The following MYBPC1 variants were observed in gnomAD, a reference collection of about 807,000 sequenced individuals.
MYBPC1 encodes myosin-binding protein C, slow-type.
Under a neutral mutation model 147.1 loss-of-function variants are expected in MYBPC1, and 52 were observed. That is an observed-to-expected ratio of 0.35 (90% confidence interval 0.28 to 0.45). The LOEUF (loss-of-function observed/expected upper bound fraction) is 0.45. Among genes scored for constraint, MYBPC1 ranks in the 20% least tolerant of loss-of-function variants. The pLI, the probability that MYBPC1 is intolerant of heterozygous loss-of-function variation, is 1.00. For missense variants in MYBPC1, 1,228 were observed against 1,440.3 expected (o/e 0.85, Z 2.39); for synonymous variants, 477 against 475.9 (o/e 1.00, Z -0.03).
chr12:101,618,255 C>G (rs978293076), intron 3 of MYBPC1, among the ~76,000 whole-genome samples: 1 of 152,152 alleles, frequency 6.6e-6, no homozygotes, highest in African/African-American at 2.4e-5. Flanking sequence ...CTTCAGCTAA[C>G]TTGAACTTAT....
At chr12:101,595,927 A>G (rs892085729) in intron 1 of MYBPC1, among the ~76,000 whole-genome samples, 3 of 152,138 alleles carry the variant, frequency 2.0e-5, no homozygotes, top group Non-Finnish European at 2.9e-5. Context: ...AATAATAAGC[A>G]CAAATTAATA....
Position 101,627,757 on chromosome 12 carries a change from C to A in MYBPC1, c.143-12C>A, listed in dbSNP as rs750205433. On this transcript the variant is annotated splice_polypyrimidine_tract_variant and intron_variant, in intron 4 of 31. Coordinates refer to ENST00000361466, the MANE Select transcript of MYBPC1 (RefSeq NM_002465.4). ...ACCCCTCTGCATCACCCAAATCACA[C>A]TTTCCTTTCAGGTTTGGGTAGTCGG... The A allele has an allele frequency of 6.2e-7, 1 of 1,613,708 alleles. No homozygotes were observed. Among genetic ancestry groups the A allele is most frequent in the Non-Finnish European group, 8.5e-7 (1 of 1,179,732 alleles).
chr12:101,648,854 A>G (rs761912062), intron 14 of MYBPC1, among the ~76,000 whole-genome samples: 45 of 152,346 alleles, frequency 3.0e-4, no homozygotes, highest in Non-Finnish European at 5.7e-4. Context: ...GTTGAAAGGT[A>G]CAGTAAATTA....
chr12:101,629,997 A>G (rs777678218), intron 6 of MYBPC1, among the ~76,000 whole-genome samples: 2 of 152,172 alleles, frequency 1.3e-5, no homozygotes, highest in African/African-American at 4.8e-5. Flanking sequence ...TTTCTAAAAC[A>G]TTTTCATCAC....
At chr12:101,663,664 G>A (rs1481905368) in intron 22 of MYBPC1, 104 bp downstream of exon 22, 17 of 1,323,836 alleles carry the variant, frequency 1.3e-5, no homozygotes, top group Admixed American at 5.9e-5. Flanking sequence ...ACCTTCCTAC[G>A]AAAATAAGAT....
At chr12:101,680,850 T>C (rs745664783) in intron 29 of MYBPC1, among the ~76,000 whole-genome samples, 5 of 152,234 alleles carry the variant, frequency 3.3e-5, no homozygotes, top group Non-Finnish European at 7.3e-5. Context: ...TGAAAGGGGC[T>C]ATCACTTTGG....
At chr12:101,653,794 A>G (rs1215739100) in intron 18 of MYBPC1, among the ~76,000 whole-genome samples, 4 of 152,230 alleles carry the variant, frequency 2.6e-5, no homozygotes, top group African/African-American at 9.7e-5. Flanking sequence ...GCTGGGGCAA[A>G]GTGAATGATT....
rs183293914 is a variant in MYBPC1 at position 101,635,422 on chromosome 12, A to G, written c.608+817A>G. Among the ~76,000 whole-genome samples the G allele has an allele frequency of 1.2e-3, 178 of 152,312 alleles. 1 individual carries two copies. Among genetic ancestry groups the G allele is most frequent in the Non-Finnish European group, 2.3e-3 (155 of 68,012 alleles). ...TATAAAACAATAATTTAGCCTGTTA[A>G]TGAGGCATATTTTCCTCTGATATTA... On this transcript the variant is annotated intron_variant, in intron 9 of 31. Coordinates refer to ENST00000361466, the MANE Select transcript of MYBPC1 (RefSeq NM_002465.4).
Position 101,684,387 on chromosome 12 carries a change from G to A in MYBPC1, c.3498G>A (p.Leu1166=). The A allele has an allele frequency of 6.3e-7, 1 of 1,587,036 alleles. No homozygotes were observed. The highest frequency in any genetic ancestry group is 8.6e-7 in the Non-Finnish European group (1 of 1,163,914). ...CCTCTTTCTCTTTTCCTTAGTCATT[G>A]CACAATAAGGATTTTTGAATGTATA... ...PVFLEGQQQS[L]HNKDF Residue 1166 remains leucine (L), a synonymous_variant, in exon 31 of 32, where the codon TTG becomes TTA. Transcript: ENST00000361466.
At chr12:101,649,459 G>A in intron 15 of MYBPC1, 33 bp downstream of exon 15, 1 of 1,609,076 alleles carries the variant, frequency 6.2e-7, no homozygotes, top group African/African-American at 1.3e-5. Flanking sequence ...TCTTCTCAGT[G>A]GGCTTATTAA....
intron 22 of MYBPC1, 68 bp downstream of exon 22, chr12:101,663,628 T>C: frequency 6.5e-7 from 1 of 1,537,280 alleles, no homozygotes; most frequent in Non-Finnish European, 8.9e-7. Context: ...CCCCTTTCTT[T>C]TGTCTCTCTT....
intron 1 of MYBPC1, among the ~76,000 whole-genome samples, chr12:101,611,197 G>T (rs1884154743): frequency 6.6e-6 from 1 of 152,200 alleles, no homozygotes; most frequent in African/African-American, 2.4e-5. Context: ...GGTCCTAGCA[G>T]TCCTAATATC....
chr12:101,684,517 C>T, intron 31 of MYBPC1, 93 bp downstream of exon 31: 1 of 968,454 alleles, frequency 1.0e-6, no homozygotes, highest in Admixed American at 1.9e-5. Context: ...ATTACATAAT[C>T]CAATGAAAAT....
At chr12:101,643,880 T>C (rs1297532789) in intron 11 of MYBPC1, among the ~76,000 whole-genome samples, 1 of 152,134 alleles carries the variant, frequency 6.6e-6, no homozygotes, top group Non-Finnish European at 1.5e-5. Context: ...AAGCCTACTG[T>C]TTCAATTAGT....
intron 10 of MYBPC1, among the ~76,000 whole-genome samples, chr12:101,637,465 C>T (rs1268817622): frequency 6.6e-6 from 1 of 151,978 alleles, no homozygotes; most frequent in African/African-American, 2.4e-5. Flanking sequence ...TATATATATA[C>T]TATATTATAT....
At chr12:101,662,246 A>G in intron 20 of MYBPC1, 112 bp from the exon 21 acceptor site, 3 of 866,674 alleles carry the variant, frequency 3.5e-6, no homozygotes, top group Non-Finnish European at 5.5e-6. Flanking sequence ...ATATATGACT[A>G]TTTCACATAG....
chr12:101,631,481 T>C, intron 6 of MYBPC1, 90 bp from the exon 7 acceptor site: 1 of 1,392,024 alleles, frequency 7.2e-7, no homozygotes, highest in Non-Finnish European at 1.0e-6. Context: ...CCATATTCTG[T>C]AGTGCAGTCC....
chr12:101,673,705 G>A, intron 25 of MYBPC1, 83 bp downstream of exon 25: 1 of 1,443,046 alleles, frequency 6.9e-7, no homozygotes, highest in African/African-American at 1.4e-5. Context: ...AAGAGCAGGA[G>A]TTTTGTTAGG....
At chr12:101,655,745 AT>A (rs1445599434) in intron 18 of MYBPC1, among the ~76,000 whole-genome samples, 1 of 152,204 alleles carries the variant, frequency 6.6e-6, no homozygotes, top group Non-Finnish European at 1.5e-5. Flanking sequence ...ACTTTAGGGA[AT>A]TTGTTGCCAA....
Sources: gnomAD v4.1 joint callset for allele counts (sites outside exome capture counted in the v4.1 genomes callset) on GRCh38, gnomAD v4.1.1 for gene constraint, MANE v1.5 for transcripts, NCBI Gene and HGNC (gene_info 2026-07-23, HGNC 2026-07-21) for gene names.